The following SEMA6D variants were observed in gnomAD, a reference collection of about 807,000 sequenced individuals.
SEMA6D encodes the protein semaphorin-6D.
A neutral mutation model predicts 106.6 loss-of-function variants in SEMA6D; 35 were observed. The ratio of observed to expected loss-of-function variants is 0.33; its 90% CI spans 0.25 to 0.44. The LOEUF is 0.44. Among genes scored for constraint, SEMA6D ranks in the 20% least tolerant of loss-of-function variants. The pLI is 1.00. For synonymous variants in SEMA6D, 499 were observed against 487.7 expected (o/e 1.02, Z -0.31); for missense variants, 1,185 against 1,345.9 (o/e 0.88, Z 1.87).
At chr15:47,525,749 C>G (rs2044734013) in intron 3 of SEMA6D, among the ~76,000 whole-genome samples, 1 of 152,134 alleles carries the variant, frequency 6.6e-6, no homozygotes, top group African/African-American at 2.4e-5. Flanking sequence ...TCCTGTAGTT[C>G]TAATTGTGCA....
At chr15:47,415,035 A>G (rs567251120) in intron 2 of SEMA6D, among the ~76,000 whole-genome samples, 1 of 152,290 alleles carries the variant, frequency 6.6e-6, no homozygotes, top group East Asian at 1.9e-4. Flanking sequence ...TGGGACTTCA[A>G]ATCACTACAC....
intron 2 of SEMA6D, among the ~76,000 whole-genome samples, chr15:47,432,547 G>GTGTATACACATATACGCATA (rs2041567442): frequency 1.6e-5 from 1 of 61,720 alleles, no homozygotes; most frequent in Admixed American, 1.6e-4. Flanking sequence ...TATGTGTTAT[G>GTGTATACACATATACGCATA]TGTATATACA....
rs184827246 is a variant in SEMA6D, at chr15:47,350,536, G to A, written c.-238-61857G>A. On this transcript the variant is annotated intron_variant, in intron 1 of 19. Coordinates refer to the SEMA6D transcript ENST00000558014. ...GTCATTTCTCTGTCCCTTTCTACCA[G>A]CTGTCTCCATATACCTGGGCTTTCC... 7.9e-5 allele frequency among the ~76,000 whole-genome samples: 12 copies of A among 152,204 alleles called. No homozygotes were observed. The East Asian group carries it at 2.1e-3, about 27-fold the overall frequency.
rs536239802 is a variant in SEMA6D, at chr15:47,479,290, C to T, written c.-87+8745C>T. ...CCTTGCTCGGTTTGAAGCACAGCAT[C>T]AGTTGTTGGGTAGGAGCCTCCCTAA... On this transcript the variant is annotated intron_variant, in intron 3 of 19. Transcript: ENST00000558014. 3.3e-5 allele frequency among the ~76,000 whole-genome samples: 5 copies of T among 152,232 alleles called. No homozygotes were observed. The East Asian group carries it at 9.7e-4, about 29-fold the overall frequency.
chr15:47,766,797 A>C, intron 16 of SEMA6D, 120 bp downstream of exon 16: 3 of 719,172 alleles, frequency 4.2e-6, no homozygotes, highest in Non-Finnish European at 7.0e-6. Context: ...CATTTAACTT[A>C]AACTTCGCAA....
At chr15:47,188,978 A>G (rs145598357) in intron 1 of SEMA6D, among the ~76,000 whole-genome samples, 65 of 152,332 alleles carry the variant, frequency 4.3e-4, no homozygotes, top group African/African-American at 1.5e-3. Context: ...CTTTAATGAC[A>G]TTCAGTTTCT....
At chr15:47,611,614 A>G (rs997743722) in intron 4 of SEMA6D, among the ~76,000 whole-genome samples, 1 of 152,208 alleles carries the variant, frequency 6.6e-6, no homozygotes, top group Non-Finnish European at 1.5e-5. Flanking sequence ...ATGAACATAC[A>G]TTAATTTGAT....
chr15:47,341,215 C>A (rs1426443558), intron 1 of SEMA6D, among the ~76,000 whole-genome samples: 1 of 151,922 alleles, frequency 6.6e-6, no homozygotes, highest in Non-Finnish European at 1.5e-5. Flanking sequence ...CATGGTGAAA[C>A]CCCATCTCTA....
At chr15:47,657,630 TTTA>T (rs2077822787) in intron 4 of SEMA6D, among the ~76,000 whole-genome samples, 1 of 151,338 alleles carries the variant, frequency 6.6e-6, no homozygotes, top group South Asian at 2.1e-4. Flanking sequence ...GTATACCTTT[TTTA>T]ATCATAGGAT....
At chr15:47,242,030 T>C (rs955139943) in intron 1 of SEMA6D, among the ~76,000 whole-genome samples, 7 of 152,226 alleles carry the variant, frequency 4.6e-5, no homozygotes, top group African/African-American at 1.7e-4. Context: ...TTTTGCTATT[T>C]AGAACTTGTG....
At chr15:47,589,041 A>G (rs1048084086) in intron 3 of SEMA6D, among the ~76,000 whole-genome samples, 2 of 152,216 alleles carry the variant, frequency 1.3e-5, no homozygotes, top group Non-Finnish European at 2.9e-5. Flanking sequence ...CCAAATGTCA[A>G]TAGTACTGAG....
intron 1 of SEMA6D, among the ~76,000 whole-genome samples, chr15:47,240,319 A>G (rs2032824381): frequency 6.6e-6 from 1 of 152,192 alleles, no homozygotes; most frequent in Non-Finnish European, 1.5e-5. Flanking sequence ...TAATCATATC[A>G]CTGAGAAAGG....
chr15:47,635,957 T>TA (rs5812405), intron 4 of SEMA6D, among the ~76,000 whole-genome samples: 4,862 of 140,678 alleles, frequency 0.035, 273 homozygotes, highest in African/African-American at 0.12. Flanking sequence ...ACTTAAATGC[T>TA]AAAAAAAAAA....
At chr15:47,739,875 A>G (rs948635945) in intron 1 of SEMA6D, among the ~76,000 whole-genome samples, 2 of 152,236 alleles carry the variant, frequency 1.3e-5, no homozygotes, top group African/African-American at 4.8e-5. Flanking sequence ...CACAATAACC[A>G]TAATAATAGC....
At chr15:47,349,219 C>G (rs906689906) in intron 1 of SEMA6D, among the ~76,000 whole-genome samples, 21 of 152,144 alleles carry the variant, frequency 1.4e-4, no homozygotes, top group African/African-American at 5.1e-4. Context: ...AGGAGCAATA[C>G]AGCCAGGAAT....
In SEMA6D at chr15:47,317,696, C is replaced by T. The variant is rs572364005; in HGVS notation, c.-238-94697C>T. 4.6e-5 allele frequency among the ~76,000 whole-genome samples: 7 copies of T among 152,222 alleles called. No individual in the cohort carries two copies. In the South Asian group the frequency reaches 6.2e-4, roughly 14 times the overall value. On this transcript the variant is annotated intron_variant, in intron 1 of 19. Transcript: ENST00000558014. The stretch of plus-strand genomic sequence containing the variant: ...TATTTCCTTCCATTCTCGTATTGCT[C>T]GCATGGTTTCTGAGAAGTCAGATAT...
chr15:47,256,935 T>C (rs1219290691), intron 1 of SEMA6D, among the ~76,000 whole-genome samples: 1 of 152,224 alleles, frequency 6.6e-6, no homozygotes, highest in Non-Finnish European at 1.5e-5. Flanking sequence ...TTCCATCATG[T>C]CATTTGCAAA....
intron 1 of SEMA6D, among the ~76,000 whole-genome samples, chr15:47,722,515 T>C (rs1400366807): frequency 1.3e-5 from 2 of 151,692 alleles, no homozygotes; most frequent in East Asian, 3.9e-4. Flanking sequence ...ATAGTAGCCA[T>C]TGCTTGTTAA....
chr15:47,266,735 C>G (rs913772256), intron 1 of SEMA6D, among the ~76,000 whole-genome samples: 1 of 152,042 alleles, frequency 6.6e-6, no homozygotes, highest in Non-Finnish European at 1.5e-5. Context: ...AGATAACCAT[C>G]TAGGAGCTGA....
Sources: allele counts gnomAD v4.1 joint callset (sites outside exome capture counted in the v4.1 genomes callset), GRCh38; gene constraint gnomAD v4.1.1; transcripts MANE v1.5; gene names NCBI Gene and HGNC (gene_info 2026-07-23, HGNC 2026-07-21).